Variants in SPEF2 observed in about 807,000 individuals in gnomAD.
SPEF2 encodes the protein sperm flagella and cilia-associated protein 2.
In SPEF2, 187 loss-of-function variants were observed where a neutral mutation model predicts 224.6. That is an observed-to-expected ratio of 0.83 (90% CI 0.74 to 0.94). SPEF2 has a LOEUF of 0.94. SPEF2 is among the 40% of genes least tolerant of loss of function. The probability of loss-of-function intolerance (pLI) is 0.00; values close to 1 mark genes in which losing one functional copy is unlikely to be tolerated. For missense variants in SPEF2, 2,170 were observed against 2,135.6 expected, an observed-to-expected ratio of 1.02 and a Z score of -0.32; for synonymous variants, 715 against 707.3, an observed-to-expected ratio of 1.01 and a Z score of -0.17.
At chr5:35,814,035 T>C (rs1412846446) in intron 36 of SPEF2, among the ~76,000 whole-genome samples, 1 of 152,232 alleles carries the variant, frequency 6.6e-6, no homozygotes, top group African/African-American at 2.4e-5. Context: ...TTCAGGAAAG[T>C]AATCTTTTGT....
chr5:35,751,056 CGTATATATATGT>C (rs1749467703), intron 23 of SPEF2, among the ~76,000 whole-genome samples: 4 of 28,600 alleles, frequency 1.4e-4, no homozygotes, highest in African/African-American at 1.8e-4. Context: ...TATATATATA[CGTATATATATGT>C]ATATATATAT....
intron 23 of SPEF2, among the ~76,000 whole-genome samples, chr5:35,740,555 A>G (rs770816313): frequency 5.9e-5 from 9 of 152,166 alleles, no homozygotes; most frequent in African/African-American, 4.8e-5. Context: ...TTGTGGGTCA[A>G]TGTAACTGTG....
intron 34 of SPEF2, among the ~76,000 whole-genome samples, chr5:35,804,220 T>C (rs889456011): frequency 6.6e-6 from 1 of 152,194 alleles, no homozygotes; most frequent in Non-Finnish European, 1.5e-5. Flanking sequence ...GATTGAATGA[T>C]AGAAATGCAT....
At chr5:35,806,004 C>T (rs1758002683) in intron 34 of SPEF2, among the ~76,000 whole-genome samples, 1 of 152,090 alleles carries the variant, frequency 6.6e-6, no homozygotes. Context: ...CAGCCATATA[C>T]AAACGTATTT....
intron 2 of SPEF2, chr5:35,632,889 C>T (rs1026228066): frequency 2.0e-5 from 3 of 152,026 alleles, no homozygotes; most frequent in African/African-American, 7.2e-5. Context: ...TTATTTATTT[C>T]TAATTTAATT....
At chr5:35,704,328 A>T (rs889830948) in intron 16 of SPEF2, among the ~76,000 whole-genome samples, 2 of 152,060 alleles carry the variant, frequency 1.3e-5, no homozygotes, top group African/African-American at 2.4e-5. Flanking sequence ...TCTACACTGA[A>T]ACTACAGCTT....
intron 2 of SPEF2, among the ~76,000 whole-genome samples, chr5:35,637,442 TG>T (rs769270212): frequency 3.9e-5 from 6 of 152,210 alleles, no homozygotes; most frequent in Non-Finnish European, 8.8e-5. Context: ...TTGTCTGAAA[TG>T]ATAGGCCTTT....
intron 10 of SPEF2, 166 bp downstream of exon 10, chr5:35,670,393 A>C: frequency 7.3e-7 from 1 of 1,366,178 alleles, no homozygotes; most frequent in Non-Finnish European, 9.4e-7. Context: ...TTAGATGCTT[A>C]AACTATACAT....
intron 10 of SPEF2, among the ~76,000 whole-genome samples, chr5:35,687,940 C>T (rs755430720): frequency 3.3e-5 from 5 of 151,374 alleles, no homozygotes; most frequent in African/African-American, 4.9e-5. Flanking sequence ...TTTTTGCAAG[C>T]AAAAAAATTT....
intron 23 of SPEF2, among the ~76,000 whole-genome samples, chr5:35,751,385 A>C (rs1212064290): frequency 6.6e-6 from 1 of 151,130 alleles, no homozygotes; most frequent in Non-Finnish European, 1.5e-5. Flanking sequence ...TCATGTGATG[A>C]GTACAGCAAA....
At chr5:35,763,741 A>T in intron 26 of SPEF2, 39 bp downstream of exon 26, 2 of 1,547,784 alleles carry the variant, frequency 1.3e-6, no homozygotes, top group Non-Finnish European at 8.7e-7. Context: ...AGTAATACAC[A>T]TTCATTAAGT....
rs7723050 is a variant in SPEF2 at position 35,714,129 on chromosome 5, G to C, written c.2914+1243G>C. On this transcript the variant is annotated intron_variant, in intron 20 of 36. Coordinates refer to ENST00000356031, the MANE Select transcript of SPEF2 (RefSeq NM_024867.4). ...AACAAATGTTTACAGCTTGATGTAA[G>C]TTCTTGGTGTAACTACATACTGGCA... Among the ~76,000 whole-genome samples, 27 of 9,550 alleles carry C rather than the reference G, an allele frequency of 2.8e-3. 11 individuals carry two copies. The highest frequency in any genetic ancestry group is 8.4e-3 in the Admixed American group (7 of 830). The allele number at this position is 9,550 out of a possible 152,430, so 6.3% of individuals were successfully genotyped here.
intron 24 of SPEF2, among the ~76,000 whole-genome samples, chr5:35,756,056 G>A (rs901132707): frequency 5.9e-5 from 9 of 152,134 alleles, no homozygotes; most frequent in African/African-American, 9.7e-5. Context: ...CCCACAGTCC[G>A]AAAATATTAC....
chr5:35,659,907 AAAAG>A (rs1749475815), intron 8 of SPEF2, among the ~76,000 whole-genome samples: 1 of 152,082 alleles, frequency 6.6e-6, no homozygotes, highest in African/African-American at 2.4e-5. Context: ...GAAAAAAAAA[AAAAG>A]AGATTCCTCA....
chr5:35,765,529 C>G (rs968529336), intron 26 of SPEF2, among the ~76,000 whole-genome samples: 2 of 152,276 alleles, frequency 1.3e-5, no homozygotes, highest in African/African-American at 4.8e-5. Flanking sequence ...GTGCTAAACC[C>G]TTTCACCGTT....
Position 35,667,274 on chromosome 5 carries a change from T to G in SPEF2, c.1355+15T>G. 1.3e-6 allele frequency: 2 copies of G among 1,584,518 alleles called. No homozygotes were observed. Among genetic ancestry groups the G allele is most frequent in the Non-Finnish European group, 1.7e-6 (2 of 1,161,358 alleles). ...TTGACAAATAAGTAAGTATTTTTTT[T>G]GTAATAACAGTAGAGACACGATAGA... is the stretch of plus-strand genomic sequence containing the variant. On this transcript the variant is annotated intron_variant, in intron 9 of 36. Transcript: ENST00000356031.
intron 10 of SPEF2, chr5:35,676,059 A>G: frequency 2.2e-6 from 1 of 453,468 alleles, no homozygotes; most frequent in Admixed American, 2.4e-5. Flanking sequence ...ACGTTAGACC[A>G]GAATTGAGAA....
intron 26 of SPEF2, among the ~76,000 whole-genome samples, chr5:35,763,935 AC>A (rs1751716683): frequency 6.6e-6 from 1 of 152,224 alleles, no homozygotes; most frequent in Non-Finnish European, 1.5e-5. Flanking sequence ...CTCTGGTTCC[AC>A]ATGCAGGGCC....
chr5:35,708,549 C>T (rs1471791816), intron 18 of SPEF2, among the ~76,000 whole-genome samples: 1 of 152,106 alleles, frequency 6.6e-6, no homozygotes, highest in South Asian at 2.1e-4. Context: ...ACCATCACCA[C>T]TCCTACCATC....
Sources: gnomAD v4.1 joint callset for allele counts (sites outside exome capture counted in the v4.1 genomes callset) on GRCh38, gnomAD v4.1.1 for gene constraint, MANE v1.5 for transcripts, NCBI Gene and HGNC (gene_info 2026-07-23, HGNC 2026-07-21) for gene names.